GDPD5: variants seen among roughly 807,000 people sequenced by gnomAD.
GDPD5 encodes the protein glycerophosphodiester phosphodiesterase 2.
A neutral mutation model predicts 75.1 loss-of-function variants in GDPD5; 48 were observed. That is an observed-to-expected ratio of 0.64 (90% CI 0.51 to 0.81). The LOEUF (loss-of-function observed/expected upper bound fraction) is 0.81, where lower values mean the gene tolerates loss of function less well. Among genes scored for constraint, GDPD5 ranks in the 40% least tolerant of loss-of-function variants. The pLI is 0.00. For missense variants in GDPD5, 706 were observed against 822.6 expected, an observed-to-expected ratio of 0.86 and a Z score of 1.73; for synonymous variants, 336 against 339.0, an observed-to-expected ratio of 0.99 and a Z score of 0.10.
intron 3 of GDPD5, among the ~76,000 whole-genome samples, chr11:75,477,079 G>A (rs1419342269): frequency 2.0e-5 from 3 of 152,248 alleles, no homozygotes; most frequent in Non-Finnish European, 2.9e-5. Flanking sequence ...GGCTGACAGC[G>A]CCCCAGGGAC....
At position 75,435,060 on chromosome 11, in the gene GDPD5, G is replaced by T. The variant is rs1948589979; in HGVS notation, c.*447C>A. 6.5e-6 allele frequency: 1 copy of T among 154,362 alleles called. No individual in the cohort carries two copies. Among genetic ancestry groups the T allele is most frequent in the Non-Finnish European group, 1.4e-5 (1 of 69,344 alleles). 9.6% of individuals were successfully genotyped at this position (154,362 alleles called of 1,614,324 possible). ...GACAGGAAGAGCAGAGTTGCTTCAG[G>T]TAGAGGCTCGGCCCAGGCCCTTGGG... On this transcript the variant is annotated 3_prime_UTR_variant, in exon 17 of 17. Coordinates refer to ENST00000336898, the MANE Select transcript of GDPD5 (RefSeq NM_030792.8).
At chr11:75,503,727 C>G (rs921996686) in intron 1 of GDPD5, among the ~76,000 whole-genome samples, 4 of 152,268 alleles carry the variant, frequency 2.6e-5, no homozygotes, top group Non-Finnish European at 5.9e-5. Flanking sequence ...GCAAATGAGT[C>G]TGACGTGAGT....
intron 2 of GDPD5, among the ~76,000 whole-genome samples, chr11:75,487,835 C>T (rs1160009158): frequency 1.3e-5 from 2 of 152,230 alleles, no homozygotes; most frequent in Non-Finnish European, 2.9e-5. Context: ...GAGGGCACAG[C>T]TTAGCATCTC....
At chr11:75,438,806 C>T (rs7938799) in intron 15 of GDPD5, 78 of 155,802 alleles carry the variant, frequency 5.0e-4, no homozygotes, top group Non-Finnish European at 8.3e-4. Flanking sequence ...CTGTGTGTTG[C>T]GGGGAGCAAA....
intron 16 of GDPD5, among the ~76,000 whole-genome samples, chr11:75,436,367 A>G (rs1281127336): frequency 1.3e-5 from 2 of 151,966 alleles, no homozygotes; most frequent in East Asian, 3.9e-4. Context: ...CTCGGCCCTC[A>G]TCTTGAAGCC....
In GDPD5 at chr11:75,449,071, T is replaced by C. The variant is rs1041304293; in HGVS notation, c.620A>G (p.Tyr207Cys). 5.6e-6 allele frequency: 9 copies of C among 1,606,678 alleles called. No individual in the cohort carries two copies. Among genetic ancestry groups the C allele is most frequent in the Non-Finnish European group, 7.6e-6 (9 of 1,177,416 alleles). Residue 207 changes from tyrosine to cysteine, a missense_variant, in exon 9 of 17, where the codon TAC becomes TGC. By Grantham distance (194) the Tyr-to-Cys change is radical. Transcript: ENST00000336898. ...CTFFTVVFALYLAPLTISSPC... is the reference protein window; with the variant it reads ...CTFFTVVFALCLAPLTISSPC... ...AGAGGAGATGGTGAGAGGGGCCAGGTAGAGGGCAAACACCACGGTGAAGAA... is the reference window on the plus strand; with the variant it reads ...AGAGGAGATGGTGAGAGGGGCCAGGCAGAGGGCAAACACCACGGTGAAGAA...
intron 9 of GDPD5, among the ~76,000 whole-genome samples, chr11:75,445,479 A>T (rs1478351017): frequency 1.3e-5 from 2 of 152,188 alleles, no homozygotes; most frequent in East Asian, 1.9e-4. Context: ...TCATCTGAGG[A>T]CTGTCATACC....
Position 75,435,497 on chromosome 11 carries a change from A to G in GDPD5, c.*10T>C, listed in dbSNP as rs750661900. On this transcript the variant is annotated 3_prime_UTR_variant, in exon 17 of 17. Coordinates refer to ENST00000336898, the MANE Select transcript of GDPD5 (RefSeq NM_030792.8). ...TGTGTCAGGTACAGGTGGGACAGAC[A>G]TGTCTTCAGCTAACGCCCACTCCGC... is the stretch of plus-strand genomic sequence containing the variant. 1.3e-5 allele frequency: 20 copies of G among 1,589,098 alleles called. No individual in the cohort carries two copies. Among genetic ancestry groups the G allele is most frequent in the Non-Finnish European group, 1.5e-5 (18 of 1,167,542 alleles).
intron 1 of GDPD5, among the ~76,000 whole-genome samples, chr11:75,522,666 G>GC (rs909063536): frequency 1.3e-5 from 2 of 152,060 alleles, no homozygotes; most frequent in South Asian, 4.2e-4. Flanking sequence ...TATCCTGCCT[G>GC]CCCCCCCATA....
rs971612901 is a variant in GDPD5 at position 75,457,795 on chromosome 11, A to C, written c.222-9T>G. 1.9e-6 allele frequency: 3 copies of C among 1,611,282 alleles called. No individual in the cohort carries two copies. In the African/African-American group the frequency reaches 4.0e-5, roughly 22 times the overall value. On this transcript the variant is annotated splice_polypyrimidine_tract_variant and intron_variant, in intron 4 of 16. Coordinates refer to ENST00000336898, the MANE Select transcript of GDPD5 (RefSeq NM_030792.8). The stretch of plus-strand genomic sequence containing the variant: ...TGCGGTTGTAGAGGTACCTGCCAGG[A>C]GGAGAGGGGGCAGGGGTCAGACCTC...
intron 1 of GDPD5, among the ~76,000 whole-genome samples, chr11:75,494,098 C>T (rs1157855362): frequency 6.6e-6 from 1 of 151,712 alleles, no homozygotes; most frequent in Non-Finnish European, 1.5e-5. Context: ...ATCTGATCTT[C>T]ATTAATTGTG....
rs1477122079 is a variant in GDPD5 at position 75,458,503 on chromosome 11, T to C, written c.222-717A>G. The stretch of plus-strand genomic sequence containing the variant: ...CTGGCTAACATGGTGAAACCCCATC[T>C]CTACTAAAAATACAAAAAATTAGCC... On this transcript the variant is annotated intron_variant, in intron 4 of 16. Transcript: ENST00000336898. 2.0e-5 allele frequency among the ~76,000 whole-genome samples: 3 copies of C among 151,980 alleles called. No homozygotes were observed. In the East Asian group the frequency reaches 5.8e-4, roughly 29 times the overall value.
At chr11:75,521,041 G>A (rs1322878130) in intron 1 of GDPD5, among the ~76,000 whole-genome samples, 2 of 152,346 alleles carry the variant, frequency 1.3e-5, no homozygotes, top group East Asian at 1.9e-4. Context: ...TGGCCCTGGT[G>A]CTGTGGTCTC....
intron 2 of GDPD5, chr11:75,485,752 T>A (rs968964055): frequency 6.6e-6 from 1 of 152,232 alleles, no homozygotes; most frequent in Non-Finnish European, 1.5e-5. Context: ...CTGCAAATTG[T>A]ACCTCAAAGG....
intron 1 of GDPD5, among the ~76,000 whole-genome samples, chr11:75,520,353 C>A (rs540436378): frequency 1.3e-5 from 2 of 152,336 alleles, no homozygotes; most frequent in Admixed American, 1.3e-4. Flanking sequence ...TTATTATCAG[C>A]CCCAATGTAC....
chr11:75,466,486 C>G (rs966687139), intron 3 of GDPD5, among the ~76,000 whole-genome samples: 1 of 152,118 alleles, frequency 6.6e-6, no homozygotes, highest in Non-Finnish European at 1.5e-5. Context: ...GAGGCCTGCC[C>G]GCTCCACCCA....
chr11:75,500,229 C>T (rs886195178), intron 1 of GDPD5, among the ~76,000 whole-genome samples: 1 of 152,254 alleles, frequency 6.6e-6, no homozygotes, highest in South Asian at 2.1e-4. Context: ...CAGCAGTGAG[C>T]AGGCCTGGGG....
Position 75,518,350 on chromosome 11 carries a change from G to T in GDPD5, c.-145+6860C>A, listed in dbSNP as rs1039134151. ...GGTCCTGGGGGGAGGAAGCAGCCTC[G>T]GAAGGAATGAGCTCCTTGTCCTGGG... On this transcript the variant is annotated intron_variant, in intron 1 of 16. Coordinates refer to ENST00000336898, the MANE Select transcript of GDPD5 (RefSeq NM_030792.8). Among the ~76,000 whole-genome samples the T allele has an allele frequency of 5.9e-5, 9 of 152,186 alleles. 1 individual carries two copies. Among genetic ancestry groups the T allele is most frequent in the Non-Finnish European group, 1.2e-4 (8 of 68,030 alleles).
chr11:75,439,773 C>T, intron 15 of GDPD5, 106 bp downstream of exon 15: 5 of 914,858 alleles, frequency 5.5e-6, no homozygotes, highest in Non-Finnish European at 7.2e-6. Context: ...GTCAGGCCTG[C>T]TCCTGGCTGA....
Sources: allele counts gnomAD v4.1 joint callset (sites outside exome capture counted in the v4.1 genomes callset), GRCh38; gene constraint gnomAD v4.1.1; transcripts MANE v1.5; gene names NCBI Gene and HGNC (gene_info 2026-07-23, HGNC 2026-07-21).